Variants in PKD2L1 observed in about 807,000 individuals in gnomAD.
PKD2L1 encodes polycystin-2-like protein 1.
A neutral mutation model predicts 93.0 loss-of-function variants in PKD2L1; 77 were observed. The ratio of observed to expected loss-of-function variants is 0.83; its 90% CI spans 0.69 to 1.00. PKD2L1 has a LOEUF of 1.00. PKD2L1 is among the 50% of genes least tolerant of loss of function. PKD2L1 has a pLI of 0.00. For missense variants in PKD2L1, 977 were observed against 990.9 expected, an observed-to-expected ratio of 0.99 and a Z score of 0.19; for synonymous variants, 390 against 388.0, an observed-to-expected ratio of 1.01 and a Z score of -0.06.
intron 6 of PKD2L1, 86 bp from the exon 7 acceptor site, chr10:100,296,378 G>T: frequency 8.7e-7 from 1 of 1,147,652 alleles, no homozygotes; most frequent in Non-Finnish European, 1.2e-6. Flanking sequence ...GGAGAGTCAG[G>T]GTAGGTAAGA....
At chr10:100,322,684 A>C (rs1245793978) in intron 2 of PKD2L1, among the ~76,000 whole-genome samples, 2 of 152,260 alleles carry the variant, frequency 1.3e-5, no homozygotes, top group Non-Finnish European at 2.9e-5. Context: ...AAGAAAGAAT[A>C]GTAGTTAGCT....
In PKD2L1 at chr10:100,315,497, A is replaced by G. The variant is rs537394638; in HGVS notation, c.349+13714T>C. On this transcript the variant is annotated intron_variant, in intron 2 of 15. Coordinates refer to ENST00000318222, the MANE Select transcript of PKD2L1 (RefSeq NM_016112.3). ...TGTGTCCATGTATTCTCGTTGTTCA[A>G]CTTCCACTTATGAGTGAGAGCATGC... Among the ~76,000 whole-genome samples, 3 of 152,240 alleles carry G rather than the reference A, an allele frequency of 2.0e-5. No individual in the cohort carries two copies. The South Asian group carries it at 6.2e-4, about 32-fold the overall frequency.
In PKD2L1 at chr10:100,297,076, G is replaced by A; in HGVS notation, c.1089C>T (p.Ile363=). 1 of 1,614,178 alleles carries A rather than the reference G, an allele frequency of 6.2e-7. No individual in the cohort carries two copies. Residue 363 remains isoleucine (I), a synonymous_variant, in exon 6 of 16, where the codon ATC becomes ATT. Transcript: ENST00000318222. ...GGATCTCTTCCACCACATAGTAGAA[G>A]ATGAAGACGCAGAAGATGACCTCAC... ...VGCEVIFCVF[I]FYYVVEEILE...
At chr10:100,291,235 A>G in intron 12 of PKD2L1, 66 bp downstream of exon 12, 1 of 1,532,618 alleles carries the variant, frequency 6.5e-7, no homozygotes, top group Non-Finnish European at 8.9e-7. Context: ...TGTTCTAGGT[A>G]TGTTGGGGGA....
intron 11 of PKD2L1, 51 bp from the exon 12 acceptor site, chr10:100,291,478 T>C (rs917853081): frequency 6.3e-7 from 1 of 1,598,858 alleles, no homozygotes; most frequent in Non-Finnish European, 8.5e-7. Flanking sequence ...CTGTGACCTC[T>C]CAGTTATGGA....
chr10:100,302,561 G>A (rs973090292), intron 2 of PKD2L1, among the ~76,000 whole-genome samples: 3 of 151,632 alleles, frequency 2.0e-5, no homozygotes, highest in Non-Finnish European at 2.9e-5. Flanking sequence ...AAAATTACCC[G>A]GGCATGGTGT....
intron 11 of PKD2L1, 117 bp downstream of exon 11, chr10:100,292,831 A>G: frequency 9.6e-7 from 1 of 1,044,326 alleles, no homozygotes; most frequent in Non-Finnish European, 1.4e-6. Flanking sequence ...GAAGCCTGCA[A>G]GTCAAGATCA....
intron 10 of PKD2L1, 76 bp downstream of exon 10, chr10:100,293,205 A>C (rs1848444793): frequency 2.0e-6 from 3 of 1,529,248 alleles, no homozygotes; most frequent in Middle Eastern, 1.7e-4. Flanking sequence ...TCAATCAGTC[A>C]GGAACAGACC....
At chr10:100,318,494 T>C (rs1013486525) in intron 2 of PKD2L1, among the ~76,000 whole-genome samples, 1 of 151,634 alleles carries the variant, frequency 6.6e-6, no homozygotes, top group African/African-American at 2.4e-5. Context: ...TCTACAACAA[T>C]CCAGAGTATT....
chr10:100,315,759 A>T (rs905499251), intron 2 of PKD2L1, among the ~76,000 whole-genome samples: 5 of 152,126 alleles, frequency 3.3e-5, no homozygotes, highest in Admixed American at 3.3e-4. Context: ...GACTCTGACT[A>T]TGGCAAAACT....
rs199909980 is a variant in PKD2L1, at chr10:100,303,198, TG to T, written c.350-3481del. ...CCATAATTACATCAAACTGTTTTTT[TG>T]TTTTTTTTTTTGAGACGGAGTTTCA... On this transcript the variant is annotated intron_variant, in intron 2 of 15. Transcript: ENST00000318222. 6.8e-3 allele frequency among the ~76,000 whole-genome samples: 1,015 copies of T among 148,474 alleles called. 54 individuals carry two copies. The highest frequency in any genetic ancestry group is 0.02 in the African/African-American group (793 of 40,246).
At chr10:100,305,922 C>T (rs1287279601) in intron 2 of PKD2L1, among the ~76,000 whole-genome samples, 9 of 152,126 alleles carry the variant, frequency 5.9e-5, no homozygotes, top group East Asian at 1.9e-4. Context: ...AGGGCTCACT[C>T]GTATAATCCC....
intron 2 of PKD2L1, among the ~76,000 whole-genome samples, chr10:100,301,257 A>G (rs1245018289): frequency 6.6e-6 from 1 of 152,202 alleles, no homozygotes; most frequent in East Asian, 1.9e-4. Context: ...ATGAACTTCC[A>G]TGTCCTGCTG....
chr10:100,292,907 A>T, intron 11 of PKD2L1, 41 bp downstream of exon 11: 1 of 1,598,022 alleles, frequency 6.3e-7, no homozygotes, highest in Non-Finnish European at 8.5e-7. Flanking sequence ...TGAGGACTTA[A>T]GAGACTGTTA....
intron 2 of PKD2L1, among the ~76,000 whole-genome samples, chr10:100,310,462 T>G (rs1848908132): frequency 6.6e-6 from 1 of 152,242 alleles, no homozygotes; most frequent in Non-Finnish European, 1.5e-5. Context: ...AGTCAACTGA[T>G]GATGATATTC....
chr10:100,295,994 C>T, intron 7 of PKD2L1, 128 bp downstream of exon 7: 2 of 764,080 alleles, frequency 2.6e-6, no homozygotes, highest in Non-Finnish European at 4.1e-6. Context: ...CAAGATCGCC[C>T]CCACTTCACT....
intron 12 of PKD2L1, 96 bp downstream of exon 12, chr10:100,291,205 A>C: frequency 4.0e-6 from 5 of 1,261,998 alleles, no homozygotes; most frequent in Non-Finnish European, 5.5e-6. Context: ...TATCTATGGG[A>C]GAGTTTTCAG....
rs201774904 is a variant in PKD2L1, at chr10:100,329,976, G to A, written c.128C>T (p.Thr43Met). The stretch of plus-strand genomic sequence containing the variant: ...CTTGGGTTGGGGCTGGAGAGGCCCC[G>A]TGCTGGAGATGGTGCAGACTCTCAG... Reference protein sequence around the residue: ...GTLRVCTISSTGPLQPQPKKP... With the variant: ...GTLRVCTISSMGPLQPQPKKP... Residue 43 changes from threonine (T) to methionine (M), a missense_variant, in exon 1 of 16, where the codon ACG becomes ATG. Thr to Met is a moderately conservative substitution (Grantham distance 81). Transcript: ENST00000318222. The A allele has an allele frequency of 1.5e-4, 243 of 1,613,932 alleles. No individual in the cohort carries two copies. Among genetic ancestry groups the A allele is most frequent in the East Asian group, 6.0e-4 (27 of 44,876 alleles).
chr10:100,320,857 C>T (rs377684508), intron 2 of PKD2L1, among the ~76,000 whole-genome samples: 2 of 152,260 alleles, frequency 1.3e-5, no homozygotes, highest in African/African-American at 2.4e-5. Flanking sequence ...AATGACAACA[C>T]ATAGCAAATA....
Sources: allele counts gnomAD v4.1 joint callset (sites outside exome capture counted in the v4.1 genomes callset), GRCh38; gene constraint gnomAD v4.1.1; transcripts MANE v1.5; gene names NCBI Gene and HGNC (gene_info 2026-07-23, HGNC 2026-07-21).